Variants in FGGY observed in about 807,000 individuals in gnomAD.
FGGY encodes the protein FGGY carbohydrate kinase domain containing.
A neutral mutation model predicts 71.3 loss-of-function variants in FGGY; 72 were observed. The ratio of observed to expected loss-of-function variants is 1.01; its 90% CI spans 0.84 to 1.23. The LOEUF (loss-of-function observed/expected upper bound fraction) is 1.23, where lower values mean the gene tolerates loss of function less well. FGGY is among the 50% of genes most tolerant of loss of function. The pLI, the probability that FGGY is intolerant of heterozygous loss-of-function variation, is 0.00. For synonymous variants in FGGY, 251 were observed against 250.3 expected (o/e 1.00, Z -0.02); for missense variants, 668 against 682.3 (o/e 0.98, Z 0.23).
chr1:59,747,036 T>C (rs2098204277), intron 14 of FGGY, among the ~76,000 whole-genome samples: 1 of 152,196 alleles, frequency 6.6e-6, no homozygotes, highest in Non-Finnish European at 1.5e-5. Context: ...TTATAATTAT[T>C]GTTATTGAGT....
At chr1:59,469,575 A>G (rs138958344) in intron 6 of FGGY, among the ~76,000 whole-genome samples, 14 of 152,330 alleles carry the variant, frequency 9.2e-5, no homozygotes, top group Admixed American at 5.2e-4. Context: ...TTGTTTTAAT[A>G]TGCTGAGCTT....
chr1:59,722,140 G>A (rs1048037927), intron 14 of FGGY, among the ~76,000 whole-genome samples: 2 of 150,848 alleles, frequency 1.3e-5, no homozygotes, highest in Non-Finnish European at 2.9e-5. Context: ...ATACTTTGTA[G>A]TATGTCCTTC....
chr1:59,552,247 C>T (rs1387731777), intron 7 of FGGY, among the ~76,000 whole-genome samples: 3 of 152,178 alleles, frequency 2.0e-5, no homozygotes, highest in Non-Finnish European at 4.4e-5. Context: ...CTTGCTTCCC[C>T]TTGCCTGCAG....
intron 10 of FGGY, among the ~76,000 whole-genome samples, chr1:59,627,489 T>TATATATATACACAC (rs1469493501): frequency 3.2e-5 from 3 of 92,782 alleles, no homozygotes; most frequent in South Asian, 3.8e-4. Flanking sequence ...TATATATATA[T>TATATATATACACAC]ACACACACAC....
At chr1:59,512,498 A>G (rs980615323) in intron 7 of FGGY, 59 bp downstream of exon 7, 10 of 1,530,594 alleles carry the variant, frequency 6.5e-6, no homozygotes, top group Non-Finnish European at 8.0e-6. Flanking sequence ...ATTCCCTAGA[A>G]CCGAAGACAC....
chr1:59,488,512 A>G (rs1333200712), intron 6 of FGGY, among the ~76,000 whole-genome samples: 1 of 147,132 alleles, frequency 6.8e-6, no homozygotes. Flanking sequence ...TATATGTATT[A>G]TGTATATATT....
At chr1:59,727,720 AAAAGAGCCTGAATAGCC>A (rs575760497) in intron 14 of FGGY, among the ~76,000 whole-genome samples, 12 of 152,334 alleles carry the variant, frequency 7.9e-5, no homozygotes, top group African/African-American at 2.9e-4. Flanking sequence ...ATGGAGCCAG[AAAAGAGCCTGAATAGCC>A]AAAGCAGTTC....
intron 14 of FGGY, among the ~76,000 whole-genome samples, chr1:59,678,607 A>G (rs1283467678): frequency 6.6e-6 from 1 of 152,236 alleles, no homozygotes; most frequent in Non-Finnish European, 1.5e-5. Context: ...CAGCAACATG[A>G]AATGGCTCTC....
At chr1:59,621,708 C>T (rs948767992) in intron 9 of FGGY, among the ~76,000 whole-genome samples, 1 of 151,496 alleles carries the variant, frequency 6.6e-6, no homozygotes, top group Non-Finnish European at 1.5e-5. Flanking sequence ...GTCATTCTTT[C>T]CCTTTATATA....
chr1:59,338,130 G>A (rs749773596), intron 2 of FGGY, among the ~76,000 whole-genome samples: 9 of 152,040 alleles, frequency 5.9e-5, no homozygotes, highest in South Asian at 2.1e-4. Context: ...GTTAATGTGC[G>A]TATTCCATTA....
intron 7 of FGGY, among the ~76,000 whole-genome samples, chr1:59,515,264 T>A (rs992922058): frequency 6.6e-6 from 1 of 152,110 alleles, no homozygotes; most frequent in Non-Finnish European, 1.5e-5. Flanking sequence ...GCCCTGAAAC[T>A]CCTTTGTTTT....
chr1:59,616,638 AT>A (rs1228967353), intron 9 of FGGY, among the ~76,000 whole-genome samples: 5 of 152,312 alleles, frequency 3.3e-5, no homozygotes, highest in Middle Eastern at 3.4e-3. Flanking sequence ...TAATAAAAAA[AT>A]AAATAAAATA....
At chr1:59,726,675 A>G (rs59641667) in intron 14 of FGGY, among the ~76,000 whole-genome samples, 5,495 of 152,226 alleles carry the variant, frequency 0.036, 328 homozygotes, top group African/African-American at 0.13. Context: ...TCAAAGAAGT[A>G]GTCCATTTCA....
intron 8 of FGGY, among the ~76,000 whole-genome samples, chr1:59,593,321 G>T: frequency 6.6e-6 from 1 of 152,170 alleles, no homozygotes; most frequent in Non-Finnish European, 1.5e-5. Flanking sequence ...TCTTCCCATC[G>T]CCTTCAAGAA....
At chr1:59,639,586 A>G (rs1232211691) in intron 11 of FGGY, among the ~76,000 whole-genome samples, 1 of 152,208 alleles carries the variant, frequency 6.6e-6, no homozygotes, top group Non-Finnish European at 1.5e-5. Flanking sequence ...AACAGGGGGT[A>G]GGGGAAGAAC....
rs190484996 is a variant in FGGY at position 59,682,409 on chromosome 1, T to G, written c.1512+8276T>G. 2.8e-3 allele frequency among the ~76,000 whole-genome samples: 428 copies of G among 152,252 alleles called. 2 individuals carry two copies. Among genetic ancestry groups the G allele is most frequent in the African/African-American group, 9.9e-3 (412 of 41,556 alleles). On this transcript the variant is annotated intron_variant, in intron 14 of 15. Transcript: ENST00000303721. ...AGGTAAACAGAGGGCACCCTCAAAT[T>G]TGAGTAATTTGAGAGGGTTTAAAAG...
intron 1 of FGGY, chr1:59,315,629 A>T (rs2045302834): frequency 6.6e-6 from 1 of 152,224 alleles, no homozygotes; most frequent in African/African-American, 2.4e-5. Flanking sequence ...CTCAGTATTC[A>T]GGGAATGGAT....
chr1:59,571,983 T>G (rs1050236597), intron 8 of FGGY, among the ~76,000 whole-genome samples: 1 of 152,168 alleles, frequency 6.6e-6, no homozygotes, highest in Non-Finnish European at 1.5e-5. Flanking sequence ...AGGACACTGG[T>G]GAATTAGATG....
intron 10 of FGGY, among the ~76,000 whole-genome samples, chr1:59,631,585 AC>A (rs1211162230): frequency 6.6e-6 from 1 of 152,196 alleles, no homozygotes; most frequent in African/African-American, 2.4e-5. Flanking sequence ...TGAATCAAGA[AC>A]CATGTGTCTC....
Sources: gnomAD v4.1 joint callset for allele counts (sites outside exome capture counted in the v4.1 genomes callset) on GRCh38, gnomAD v4.1.1 for gene constraint, MANE v1.5 for transcripts, NCBI Gene and HGNC (gene_info 2026-07-23, HGNC 2026-07-21) for gene names.